WDPCP: variants seen among roughly 807,000 people sequenced by gnomAD.
WDPCP encodes WD repeat containing planar cell polarity effector, also known as WD repeat-containing and planar cell polarity effector protein fritz homolog.
A neutral mutation model predicts 93.1 loss-of-function variants in WDPCP; 71 were observed. That is an observed-to-expected ratio of 0.76 (90% CI 0.63 to 0.93). The LOEUF (loss-of-function observed/expected upper bound fraction) is 0.93. Ranked by LOEUF, WDPCP falls within the 40% of genes least tolerant of loss-of-function variation. WDPCP has a pLI of 0.00. For missense variants in WDPCP, 844 were observed against 887.4 expected, an observed-to-expected ratio of 0.95 and a Z score of 0.62; for synonymous variants, 315 against 315.0, an observed-to-expected ratio of 1.00 and a Z score of 0.00.
intron 1 of WDPCP, among the ~76,000 whole-genome samples, chr2:63,560,560 T>C (rs2106409318): frequency 6.6e-6 from 1 of 152,310 alleles, no homozygotes; most frequent in Admixed American, 6.5e-5. Flanking sequence ...CTATTCACAA[T>C]AGCAAAGACT....
At chr2:63,691,560 G>C (rs1397830483) in intron 2 of WDPCP, among the ~76,000 whole-genome samples, 3 of 152,114 alleles carry the variant, frequency 2.0e-5, no homozygotes, top group Admixed American at 2.0e-4. Flanking sequence ...GCTTGAACCT[G>C]GGGGGCGGAG....
At position 63,599,313 on chromosome 2, in the gene WDPCP, A is replaced by C. The variant is rs1411516546; in HGVS notation, n.488+51346T>G. 5 of 1,600,316 alleles carry C rather than the reference A, an allele frequency of 3.1e-6. No individual in the cohort carries two copies. In the Admixed American group the frequency reaches 8.6e-5, roughly 28 times the overall value. ...CTCAAGTAAGAAAAATATATTTTAA[A>C]TCTTGTGGTTGTTCAACTTTAAAAC... On this transcript the variant is annotated intron_variant and non_coding_transcript_variant, in intron 3 of 4. Transcript: ENST00000467687.
At chr2:63,782,374 T>C (rs959665665) in intron 2 of WDPCP, among the ~76,000 whole-genome samples, 2 of 152,064 alleles carry the variant, frequency 1.3e-5, no homozygotes, top group Non-Finnish European at 2.9e-5. Flanking sequence ...AGAGTGAGCA[T>C]ACAACCTACA....
chr2:63,409,135 ACAAAGTCCACTG>A (rs1406067573), intron 9 of WDPCP, among the ~76,000 whole-genome samples: 1 of 152,146 alleles, frequency 6.6e-6, no homozygotes, highest in Non-Finnish European at 1.5e-5. Context: ...AAGAACCCTC[ACAAAGTCCACTG>A]CATCCCCCAC....
At chr2:63,718,311 T>C (rs1188697274) in intron 2 of WDPCP, among the ~76,000 whole-genome samples, 2 of 152,196 alleles carry the variant, frequency 1.3e-5, no homozygotes, top group Non-Finnish European at 2.9e-5. Flanking sequence ...GTTCTATCTT[T>C]AGTTATTTGA....
rs1301866253 is a variant in WDPCP at position 63,532,093 on chromosome 2, A to G, written c.76-39153T>C. 2.6e-5 allele frequency among the ~76,000 whole-genome samples: 4 copies of G among 152,352 alleles called. No homozygotes were observed. The East Asian group carries it at 7.7e-4, about 29-fold the overall frequency. ...CAAGCTTCAGTAGCCTATTCCATCAAGTGGAATAAAGGGGATCAGGGACTG... is the reference window on the plus strand; with the variant it reads ...CAAGCTTCAGTAGCCTATTCCATCAGGTGGAATAAAGGGGATCAGGGACTG... On this transcript the variant is annotated intron_variant, in intron 1 of 17. Transcript: ENST00000272321.
chr2:63,262,344 G>A (rs970872098), intron 13 of WDPCP, among the ~76,000 whole-genome samples: 11 of 151,982 alleles, frequency 7.2e-5, no homozygotes, highest in Non-Finnish European at 1.0e-4. Context: ...TTATACCTAG[G>A]AAGACAATAC....
At chr2:63,594,897 G>C (rs888275693) in intron 3 of WDPCP, 4 of 281,980 alleles carry the variant, frequency 1.4e-5, no homozygotes, top group Admixed American at 4.9e-5. Flanking sequence ...GAGTTACTCA[G>C]TAAGCACTCC....
intron 10 of WDPCP, among the ~76,000 whole-genome samples, chr2:63,387,812 T>C (rs1427241700): frequency 6.6e-6 from 1 of 152,006 alleles, no homozygotes; most frequent in Non-Finnish European, 1.5e-5. Flanking sequence ...AAATCAGTAA[T>C]ATTTCCATAC....
chr2:63,257,811 T>G (rs1681267254), intron 14 of WDPCP, among the ~76,000 whole-genome samples: 1 of 152,164 alleles, frequency 6.6e-6, no homozygotes, highest in Non-Finnish European at 1.5e-5. Flanking sequence ...CTTTCACTCT[T>G]ACTAATTTTA....
chr2:63,709,757 T>G (rs562691632), intron 2 of WDPCP, among the ~76,000 whole-genome samples: 2 of 152,216 alleles, frequency 1.3e-5, no homozygotes, highest in South Asian at 2.1e-4. Flanking sequence ...TCTAGAATAA[T>G]GTATGCAGTT....
intron 10 of WDPCP, among the ~76,000 whole-genome samples, chr2:63,396,894 T>C (rs1693771459): frequency 6.6e-6 from 1 of 152,178 alleles, no homozygotes; most frequent in Non-Finnish European, 1.5e-5. Context: ...TAGCTCCCAC[T>C]TATAAGTAAG....
chr2:63,504,082 G>A (rs1701718752), intron 1 of WDPCP, among the ~76,000 whole-genome samples: 1 of 151,920 alleles, frequency 6.6e-6, no homozygotes. Context: ...TGAAAGAAAT[G>A]GCTTCTTATA....
chr2:63,347,584 A>G (rs1020281177), intron 12 of WDPCP, among the ~76,000 whole-genome samples: 3 of 152,120 alleles, frequency 2.0e-5, no homozygotes, highest in Non-Finnish European at 4.4e-5. Flanking sequence ...CCTTCTTTAG[A>G]TCTGGTTCTT....
intron 3 of WDPCP, among the ~76,000 whole-genome samples, chr2:63,633,096 C>T (rs1709881017): frequency 6.6e-6 from 1 of 152,138 alleles, no homozygotes; most frequent in African/African-American, 2.4e-5. Flanking sequence ...AGAAAAAAAT[C>T]TGCCAATCAA....
At chr2:63,281,941 C>T (rs1683586784) in intron 13 of WDPCP, among the ~76,000 whole-genome samples, 1 of 151,776 alleles carries the variant, frequency 6.6e-6, no homozygotes. Context: ...ATTCATGTAA[C>T]CAAACACAAC....
At chr2:63,528,567 T>A (rs534991100) in intron 1 of WDPCP, among the ~76,000 whole-genome samples, 3 of 152,326 alleles carry the variant, frequency 2.0e-5, no homozygotes, top group African/African-American at 7.2e-5. Context: ...TTCTGTTCCA[T>A]TGGTCTATAT....
upstream of WDPCP, chr2:63,593,685 T>C: frequency 2.1e-6 from 1 of 471,450 alleles, no homozygotes; most frequent in South Asian, 1.5e-5. Context: ...GGGAAAGGAA[T>C]GGTTCACCTT....
rs199840796 is a variant in WDPCP at position 63,123,907 on chromosome 2, C to CT, written c.2191-1852dup. ...TATATAATTCTGTATCTTTTCTTTT[C>CT]TTTTTTTTTTTGGCCTTATAACACT... is the stretch of plus-strand genomic sequence containing the variant. On this transcript the variant is annotated intron_variant, in intron 17 of 17. Transcript: ENST00000272321. 1.3e-3 allele frequency among the ~76,000 whole-genome samples: 178 copies of CT among 135,418 alleles called. 1 individual carries two copies. The highest frequency in any genetic ancestry group is 8.8e-3 in the South Asian group (38 of 4,334). 88.8% of individuals were successfully genotyped at this position (135,418 alleles called of 152,430 possible).
Sources: allele counts gnomAD v4.1 joint callset (sites outside exome capture counted in the v4.1 genomes callset), GRCh38; gene constraint gnomAD v4.1.1; transcripts MANE v1.5; gene names NCBI Gene and HGNC (gene_info 2026-07-23, HGNC 2026-07-21).